Variants in COL11A1 observed in about 807,000 individuals in gnomAD.
COL11A1 encodes the protein collagen type XI alpha 1 chain.
In COL11A1, 74 loss-of-function variants were observed where a neutral mutation model predicts 265.2. The observed-to-expected ratio is 0.28, with a 90% CI of 0.23 to 0.34. The LOEUF (loss-of-function observed/expected upper bound fraction) is 0.34, where lower values mean the gene tolerates loss of function less well. Among genes scored for constraint, COL11A1 ranks in the 10% least tolerant of loss-of-function variants. The pLI, the probability that COL11A1 is intolerant of heterozygous loss-of-function variation, is 1.00. For missense variants in COL11A1, 2,165 were observed against 2,263.6 expected, an observed-to-expected ratio of 0.96 and a Z score of 0.88; for synonymous variants, 816 against 727.6, an observed-to-expected ratio of 1.12 and a Z score of -1.96.
chr1:103,070,398 C>T (rs1290950639), intron 4 of COL11A1, among the ~76,000 whole-genome samples: 5 of 151,034 alleles, frequency 3.3e-5, no homozygotes, highest in African/African-American at 4.8e-5. Flanking sequence ...AACCAATCAA[C>T]ATAATTCGAC....
At chr1:103,081,129 A>G (rs1433585456) in intron 2 of COL11A1, among the ~76,000 whole-genome samples, 1 of 151,888 alleles carries the variant, frequency 6.6e-6, no homozygotes, top group Non-Finnish European at 1.5e-5. Context: ...GCAGTCAGAT[A>G]ATGTTGATTA....
At chr1:102,912,046 T>A in intron 54 of COL11A1, 113 bp downstream of exon 54, 1 of 876,948 alleles carries the variant, frequency 1.1e-6, no homozygotes. Context: ...TTAGGATTTA[T>A]GATATTTCTC....
intron 41 of COL11A1, among the ~76,000 whole-genome samples, chr1:102,950,569 T>C (rs1170935636): frequency 6.6e-6 from 1 of 152,152 alleles, no homozygotes; most frequent in East Asian, 1.9e-4. Context: ...ATCTTAGCAT[T>C]CTACTTTGAA....
chr1:103,008,403 G>A, intron 15 of COL11A1, 60 bp downstream of exon 15: 15 of 1,387,456 alleles, frequency 1.1e-5, no homozygotes, highest in Non-Finnish European at 1.5e-5. Context: ...CATTCTCGAA[G>A]GAATTATGCT....
At position 102,878,016 on chromosome 1, in the gene COL11A1, A is replaced by C. The variant is rs780757227; in HGVS notation, c.*3T>G. On this transcript the variant is annotated 3_prime_UTR_variant, in exon 67 of 67. Coordinates refer to ENST00000370096, the MANE Select transcript of COL11A1 (RefSeq NM_001854.4). ...TTGATTTGATATGTTCTTTGTCTTA[A>C]TCTTAGCCAAGAAAACAAACAGGAC... is the stretch of plus-strand genomic sequence containing the variant. 6.2e-7 allele frequency: 1 copy of C among 1,613,194 alleles called. No individual in the cohort carries two copies. The highest frequency in any genetic ancestry group is 2.2e-5 in the East Asian group (1 of 44,780).
At position 102,961,696 on chromosome 1, in the gene COL11A1, T is replaced by G. The variant is rs564011055; in HGVS notation, c.3168+170A>C. 2.4e-5 allele frequency: 15 copies of G among 634,184 alleles called. No individual in the cohort carries two copies. In the African/African-American group the frequency reaches 2.5e-4, roughly 11 times the overall value. The allele number at this position is 634,184 out of a possible 1,614,324, so 39.3% of individuals were successfully genotyped here. On this transcript the variant is annotated intron_variant, in intron 41 of 66. Transcript: ENST00000370096. ...TTTCCAATCATCCAAACCCTTCTGT[T>G]TCTGCATTCATTAGTGCATGCAATT...
intron 4 of COL11A1, among the ~76,000 whole-genome samples, chr1:103,058,238 T>G (rs543982441): frequency 2.2e-4 from 33 of 152,318 alleles, no homozygotes; most frequent in African/African-American, 7.7e-4. Flanking sequence ...TGATCTTTTC[T>G]TCTGAAGCTT....
chr1:102,995,952 T>G (rs2622867), intron 27 of COL11A1, 37 bp downstream of exon 27: 1 of 1,612,916 alleles, frequency 6.2e-7, no homozygotes, highest in Non-Finnish European at 8.5e-7. Context: ...AACATTTCAC[T>G]TTGAAAGTAA....
intron 18 of COL11A1, among the ~76,000 whole-genome samples, chr1:103,004,988 A>C (rs1665461783): frequency 6.6e-6 from 1 of 151,122 alleles, no homozygotes; most frequent in Non-Finnish European, 1.5e-5. Context: ...TTTGCTGATG[A>C]TTGTATTAAA....
At chr1:103,082,684 C>A in intron 2 of COL11A1, 121 bp downstream of exon 2, 1 of 838,602 alleles carries the variant, frequency 1.2e-6, no homozygotes. Flanking sequence ...CATATAATTG[C>A]ACATTATCTA....
intron 1 of COL11A1, among the ~76,000 whole-genome samples, chr1:103,103,326 A>G (rs1480401674): frequency 6.6e-6 from 1 of 152,008 alleles, no homozygotes; most frequent in Non-Finnish European, 1.5e-5. Flanking sequence ...TATTTGAAAT[A>G]AATATATAAT....
chr1:103,067,187 A>G (rs528728010), intron 4 of COL11A1, among the ~76,000 whole-genome samples: 20 of 152,094 alleles, frequency 1.3e-4, no homozygotes, highest in African/African-American at 4.3e-4. Flanking sequence ...CAATTTCACA[A>G]TGCACTTTCT....
intron 41 of COL11A1, among the ~76,000 whole-genome samples, chr1:102,955,742 A>G (rs1406128953): frequency 6.6e-6 from 1 of 152,156 alleles, no homozygotes; most frequent in Non-Finnish European, 1.5e-5. Context: ...AATTTGTTGC[A>G]TGATATATTT....
intron 2 of COL11A1, 142 bp from the exon 3 acceptor site, chr1:103,079,013 T>C (rs1266417328): frequency 6.2e-6 from 4 of 648,180 alleles, no homozygotes; most frequent in Non-Finnish European, 1.1e-5. Flanking sequence ...AATAAATAAA[T>C]AGGGGTCCTC....
At chr1:103,035,443 TAAATG>T (rs1668290766) in intron 4 of COL11A1, among the ~76,000 whole-genome samples, 1 of 152,106 alleles carries the variant, frequency 6.6e-6, no homozygotes, top group South Asian at 2.1e-4. Context: ...TGTGCTGACA[TAAATG>T]AAATATTATG....
chr1:102,999,051 C>T (rs1315700196), intron 24 of COL11A1, among the ~76,000 whole-genome samples: 1 of 151,820 alleles, frequency 6.6e-6, no homozygotes, highest in Non-Finnish European at 1.5e-5. Flanking sequence ...GAAAAGTAGA[C>T]ATTCTTCTAA....
At chr1:102,961,701 C>A in intron 41 of COL11A1, 165 bp downstream of exon 41, 1 of 645,136 alleles carries the variant, frequency 1.6e-6, no homozygotes, top group Non-Finnish European at 2.8e-6. Context: ...TCTGTTTCTG[C>A]ATTCATTAGT....
chr1:102,943,126 T>C (rs745638429), intron 42 of COL11A1, among the ~76,000 whole-genome samples: 2 of 152,052 alleles, frequency 1.3e-5, no homozygotes, highest in Non-Finnish European at 2.9e-5. Context: ...TAGATAAATA[T>C]ATGCACCACA....
intron 4 of COL11A1, among the ~76,000 whole-genome samples, chr1:103,061,632 G>A (rs1445060378): frequency 1.3e-5 from 2 of 151,836 alleles, no homozygotes; most frequent in African/African-American, 4.8e-5. Flanking sequence ...TACATGGATT[G>A]AAGACAAAAT....
Sources: gnomAD v4.1 joint callset for allele counts (sites outside exome capture counted in the v4.1 genomes callset) on GRCh38, gnomAD v4.1.1 for gene constraint, MANE v1.5 for transcripts, NCBI Gene and HGNC (gene_info 2026-07-23, HGNC 2026-07-21) for gene names.